GLIPR1L1: variants seen among roughly 807,000 people sequenced by gnomAD.
GLIPR1L1 encodes the protein GLIPR1-like protein 1.
Under a neutral mutation model 29.9 loss-of-function variants are expected in GLIPR1L1, and 26 were observed. The ratio of observed to expected loss-of-function variants is 0.87; its 90% CI spans 0.64 to 1.21. GLIPR1L1 has a LOEUF of 1.21. Among genes scored for constraint, GLIPR1L1 ranks in the 50% most tolerant of loss-of-function variants. The probability of loss-of-function intolerance (pLI) is 0.00; values close to 1 mark genes in which losing one functional copy is unlikely to be tolerated. For missense variants in GLIPR1L1, 305 were observed against 290.3 expected (o/e 1.05, Z -0.37); for synonymous variants, 77 against 97.5 (o/e 0.79, Z 1.24).
intron 1 of GLIPR1L1, among the ~76,000 whole-genome samples, chr12:75,338,257 A>C (rs1036226072): frequency 1.3e-5 from 2 of 152,204 alleles, no homozygotes; most frequent in African/African-American, 2.4e-5. Flanking sequence ...CATGGGATTT[A>C]TCTCAGGAAT....
chr12:75,369,931 TATA>T, intron 4 of GLIPR1L1, 26 bp from the exon 5 acceptor site: 1 of 1,238,956 alleles, frequency 8.1e-7, no homozygotes, highest in South Asian at 1.6e-5. Flanking sequence ...TATAACATTT[TATA>T]ATATTAACTT....
chr12:75,344,638 C>A (rs182955186), intron 2 of GLIPR1L1, among the ~76,000 whole-genome samples: 1 of 151,926 alleles, frequency 6.6e-6, no homozygotes, highest in Middle Eastern at 3.2e-3. Context: ...CATTATGAAT[C>A]GAATTTTCTT....
chr12:75,342,692 A>C (rs1384289546), intron 1 of GLIPR1L1, among the ~76,000 whole-genome samples: 1 of 152,118 alleles, frequency 6.6e-6, no homozygotes, highest in Non-Finnish European at 1.5e-5. Flanking sequence ...TTTCCACATA[A>C]ATTTTGTAAT....
chr12:75,355,267 T>G (rs983402824), intron 3 of GLIPR1L1, among the ~76,000 whole-genome samples: 4 of 152,104 alleles, frequency 2.6e-5, no homozygotes, highest in African/African-American at 7.2e-5. Flanking sequence ...TACAAGGAAC[T>G]TAAGTAAACT....
At chr12:75,336,519 C>T (rs1051711535) in intron 1 of GLIPR1L1, among the ~76,000 whole-genome samples, 9 of 151,632 alleles carry the variant, frequency 5.9e-5, no homozygotes, top group African/African-American at 2.2e-4. Flanking sequence ...ATATTTATGG[C>T]TACTGAAGTA....
intron 4 of GLIPR1L1, among the ~76,000 whole-genome samples, chr12:75,367,973 T>G (rs1458569999): frequency 6.6e-6 from 1 of 152,138 alleles, no homozygotes; most frequent in Non-Finnish European, 1.5e-5. Context: ...TCTCTTTTCC[T>G]TATTTTGCTG....
rs148878839 is a variant in GLIPR1L1 at position 75,369,653 on chromosome 12, C to T, written c.611-307C>T. 6.7e-3 allele frequency: 6,589 copies of T among 983,728 alleles called. 19 individuals are homozygous for T. The highest frequency in any genetic ancestry group is 0.038 in the Middle Eastern group (73 of 1,912). 60.9% of individuals were successfully genotyped at this position (983,728 alleles called of 1,614,324 possible). A position where few individuals can be genotyped will look rare whatever the true frequency, so the allele number is the denominator to read the frequency against. On this transcript the variant is annotated intron_variant, in intron 4 of 5. Transcript: ENST00000378695. Reference sequence around the variant, plus strand: ...TGAAGAAATTACGTTTCTTCAGGGACGTGAATTGGGAATGAAAGAGTGGGA... The same window carrying T: ...TGAAGAAATTACGTTTCTTCAGGGATGTGAATTGGGAATGAAAGAGTGGGA...
At chr12:75,339,022 A>G (rs1451687266) in intron 1 of GLIPR1L1, among the ~76,000 whole-genome samples, 1 of 152,116 alleles carries the variant, frequency 6.6e-6, no homozygotes, top group Non-Finnish European at 1.5e-5. Context: ...ATTTGGGTTG[A>G]TTCTATGTCT....
At position 75,334,719 on chromosome 12, in the gene GLIPR1L1, A is replaced by G; in HGVS notation, c.-10A>G. The stretch of plus-strand genomic sequence containing the variant: ...AGTCAGGGCATCCTCCGCATCCTCC[A>G]CATCCTTCCATGGCTCTGAAGAATA... On this transcript the variant is annotated 5_prime_UTR_variant, in exon 1 of 6. Coordinates refer to ENST00000378695, the MANE Select transcript of GLIPR1L1 (RefSeq NM_001304964.2). 5.0e-6 allele frequency: 8 copies of G among 1,611,016 alleles called. No individual in the cohort carries two copies. Among genetic ancestry groups the G allele is most frequent in the Non-Finnish European group, 6.8e-6 (8 of 1,178,222 alleles).
intron 3 of GLIPR1L1, among the ~76,000 whole-genome samples, chr12:75,351,028 C>T (rs969716869): frequency 6.6e-6 from 1 of 152,114 alleles, no homozygotes; most frequent in African/African-American, 2.4e-5. Context: ...CTGTAAAACA[C>T]AACACAAGAA....
chr12:75,336,699 G>T (rs2041760028), intron 1 of GLIPR1L1, among the ~76,000 whole-genome samples: 1 of 151,742 alleles, frequency 6.6e-6, no homozygotes, highest in Admixed American at 6.6e-5. Context: ...CAGTCATAGA[G>T]ATTTTAATCT....
intron 4 of GLIPR1L1, chr12:75,365,347 G>C (rs530215944): frequency 6.6e-6 from 1 of 152,220 alleles, no homozygotes; most frequent in South Asian, 2.1e-4. Flanking sequence ...ACAGAAAAAG[G>C]AAAGTATTCA....
At chr12:75,349,358 A>T (rs1308417105) in intron 3 of GLIPR1L1, among the ~76,000 whole-genome samples, 2 of 152,224 alleles carry the variant, frequency 1.3e-5, no homozygotes, top group African/African-American at 4.8e-5. Flanking sequence ...AAAGAACAAC[A>T]TAACTTTAAC....
chr12:75,369,603 A>G, intron 4 of GLIPR1L1: 1 of 984,820 alleles, frequency 1.0e-6, no homozygotes, highest in Non-Finnish European at 1.2e-6. Flanking sequence ...ATTGTTAATG[A>G]GTTCTGCATA....
chr12:75,361,288 T>C (rs2139593786), intron 3 of GLIPR1L1, among the ~76,000 whole-genome samples: 1 of 152,264 alleles, frequency 6.6e-6, no homozygotes, highest in South Asian at 2.1e-4. Flanking sequence ...AAAGGGTAGG[T>C]ATATGTAAAA....
intron 2 of GLIPR1L1, among the ~76,000 whole-genome samples, chr12:75,346,563 G>C (rs1407921092): frequency 6.6e-6 from 1 of 152,038 alleles, no homozygotes; most frequent in Non-Finnish European, 1.5e-5. Context: ...GCTAGTTTTT[G>C]TATTTTTAGT....
intron 2 of GLIPR1L1, among the ~76,000 whole-genome samples, chr12:75,345,761 C>T (rs2042401506): frequency 6.6e-6 from 1 of 152,130 alleles, no homozygotes; most frequent in Non-Finnish European, 1.5e-5. Context: ...GATATCAAGG[C>T]TGAGTCATAG....
intron 3 of GLIPR1L1, among the ~76,000 whole-genome samples, chr12:75,354,169 G>GT (rs1408432266): frequency 1.4e-5 from 2 of 144,626 alleles, no homozygotes; most frequent in African/African-American, 5.1e-5. Context: ...AAAAAAAAGG[G>GT]GGGGGGGTAT....
intron 4 of GLIPR1L1, among the ~76,000 whole-genome samples, chr12:75,368,511 A>G (rs944309645): frequency 6.6e-6 from 1 of 151,486 alleles, no homozygotes; most frequent in Non-Finnish European, 1.5e-5. Context: ...CCAGGAATAC[A>G]ATATTACGTT....
Sources: gnomAD v4.1 joint callset for allele counts (sites outside exome capture counted in the v4.1 genomes callset) on GRCh38, gnomAD v4.1.1 for gene constraint, MANE v1.5 for transcripts, NCBI Gene and HGNC (gene_info 2026-07-23, HGNC 2026-07-21) for gene names.